ZRANB3: variants seen among roughly 807,000 people sequenced by gnomAD.
ZRANB3 encodes the protein DNA annealing helicase and endonuclease ZRANB3.
In ZRANB3, 125 loss-of-function variants were observed where a neutral mutation model predicts 133.8. That is an observed-to-expected ratio of 0.93 (90% CI 0.81 to 1.08). The LOEUF (loss-of-function observed/expected upper bound fraction) is 1.08. ZRANB3 is among the 50% of genes least tolerant of loss of function. ZRANB3 has a pLI of 0.00. For missense variants in ZRANB3, 1,229 were observed against 1,275.5 expected, an observed-to-expected ratio of 0.96 and a Z score of 0.56; for synonymous variants, 387 against 432.7, an observed-to-expected ratio of 0.89 and a Z score of 1.31.
intron 2 of ZRANB3, among the ~76,000 whole-genome samples, chr2:135,395,972 GA>G (rs1159562532): frequency 6.6e-6 from 1 of 151,980 alleles, no homozygotes; most frequent in African/African-American, 2.4e-5. Context: ...AACTCTTCAG[GA>G]AAAAAATCTA....
intron 12 of ZRANB3, among the ~76,000 whole-genome samples, chr2:135,237,685 G>T (rs1032151426): frequency 6.6e-6 from 1 of 151,498 alleles, no homozygotes; most frequent in East Asian, 1.9e-4. Flanking sequence ...GCAAACTATC[G>T]CAAGGACAAA....
intron 6 of ZRANB3, among the ~76,000 whole-genome samples, chr2:135,324,847 T>C (rs1468064483): frequency 1.3e-5 from 2 of 152,064 alleles, no homozygotes; most frequent in Non-Finnish European, 2.9e-5. Flanking sequence ...GATGAGCATT[T>C]TTTCATGTCT....
intron 2 of ZRANB3, among the ~76,000 whole-genome samples, chr2:135,461,362 G>T (rs1574139414): frequency 6.6e-6 from 1 of 152,270 alleles, no homozygotes; most frequent in South Asian, 2.1e-4. Flanking sequence ...CTGAGGTTGG[G>T]AGTTCAAGAC....
At chr2:135,452,631 T>C (rs1690325741) in intron 2 of ZRANB3, among the ~76,000 whole-genome samples, 1 of 152,162 alleles carries the variant, frequency 6.6e-6, no homozygotes, top group Admixed American at 6.5e-5. Context: ...GTAGGGCCCA[T>C]GCAAGTCTGA....
chr2:135,375,788 G>A (rs1454001536), intron 3 of ZRANB3, among the ~76,000 whole-genome samples: 5 of 151,728 alleles, frequency 3.3e-5, no homozygotes, highest in Non-Finnish European at 1.5e-5. Context: ...CCCGGGAGAC[G>A]GAGGTTGTGG....
intron 12 of ZRANB3, among the ~76,000 whole-genome samples, chr2:135,232,762 A>G (rs1388749534): frequency 6.6e-6 from 1 of 152,254 alleles, no homozygotes; most frequent in African/African-American, 2.4e-5. Flanking sequence ...ACTAACAAAC[A>G]GAAAGGACAT....
chr2:135,382,298 G>A (rs1485464852), intron 3 of ZRANB3, among the ~76,000 whole-genome samples: 2 of 152,078 alleles, frequency 1.3e-5, no homozygotes, highest in Admixed American at 6.6e-5. Flanking sequence ...AGAGAAAAAA[G>A]AATAAAAAGA....
intron 8 of ZRANB3, among the ~76,000 whole-genome samples, chr2:135,302,117 C>T (rs1257711735): frequency 6.6e-6 from 1 of 152,186 alleles, no homozygotes; most frequent in Non-Finnish European, 1.5e-5. Context: ...TAACTAGCTA[C>T]CTCCTGAAAA....
chr2:135,336,395 T>C (rs1041139656), intron 6 of ZRANB3, among the ~76,000 whole-genome samples: 2 of 152,218 alleles, frequency 1.3e-5, no homozygotes, highest in African/African-American at 4.8e-5. Context: ...AAATTTGCAT[T>C]CTGCAAAATT....
At chr2:135,506,155 C>T (rs906199165) in intron 1 of ZRANB3, among the ~76,000 whole-genome samples, 2 of 152,096 alleles carry the variant, frequency 1.3e-5, no homozygotes, top group African/African-American at 4.8e-5. Flanking sequence ...CTTTGGGAGG[C>T]CAAAGTGGGC....
intron 15 of ZRANB3, among the ~76,000 whole-genome samples, chr2:135,220,863 T>A (rs551654142): frequency 8.0e-5 from 12 of 150,500 alleles, no homozygotes; most frequent in East Asian, 2.0e-4. Context: ...AATTTATTTT[T>A]TTTTTTTTTT....
chr2:135,203,424 C>A (rs1324410679), intron 19 of ZRANB3, among the ~76,000 whole-genome samples: 1 of 151,946 alleles, frequency 6.6e-6, no homozygotes, highest in Non-Finnish European at 1.5e-5. Flanking sequence ...TCGAGACAAT[C>A]CTGGCTAACA....
At chr2:135,394,392 A>C (rs758013449) in intron 2 of ZRANB3, among the ~76,000 whole-genome samples, 2 of 152,202 alleles carry the variant, frequency 1.3e-5, no homozygotes, top group Non-Finnish European at 2.9e-5. Flanking sequence ...AATTTAATGG[A>C]CCATATACAC....
At chr2:135,458,839 T>C (rs1333221104) in intron 2 of ZRANB3, among the ~76,000 whole-genome samples, 1 of 152,130 alleles carries the variant, frequency 6.6e-6, no homozygotes, top group Non-Finnish European at 1.5e-5. Flanking sequence ...AAACAGTACC[T>C]TACATACATT....
intron 2 of ZRANB3, among the ~76,000 whole-genome samples, chr2:135,478,458 G>A (rs922151645): frequency 2.0e-5 from 3 of 152,088 alleles, no homozygotes; most frequent in Non-Finnish European, 2.9e-5. Context: ...GCTGGCCACT[G>A]ACTGACACTG....
intron 9 of ZRANB3, among the ~76,000 whole-genome samples, chr2:135,274,691 C>T (rs1680698408): frequency 6.6e-6 from 1 of 151,802 alleles, no homozygotes; most frequent in Non-Finnish European, 1.5e-5. Context: ...TTGGCAGGGT[C>T]ATAGGACAAT....
intron 2 of ZRANB3, among the ~76,000 whole-genome samples, chr2:135,437,185 C>T (rs1689573737): frequency 6.6e-6 from 1 of 152,140 alleles, no homozygotes; most frequent in Non-Finnish European, 1.5e-5. Flanking sequence ...GTCTCGAACT[C>T]CTGAACTCAT....
At chr2:135,229,510 G>T (rs1288606540) in intron 13 of ZRANB3, among the ~76,000 whole-genome samples, 2 of 151,580 alleles carry the variant, frequency 1.3e-5, no homozygotes. Context: ...TGGGACTACA[G>T]GCGCCCGCTA....
intron 2 of ZRANB3, among the ~76,000 whole-genome samples, chr2:135,493,914 C>T (rs1692531459): frequency 6.6e-6 from 1 of 152,102 alleles, no homozygotes. Flanking sequence ...GTGACATATT[C>T]AGAGGTAAAA....
Sources: gnomAD v4.1 joint callset for allele counts (sites outside exome capture counted in the v4.1 genomes callset) on GRCh38, gnomAD v4.1.1 for gene constraint, MANE v1.5 for transcripts, NCBI Gene and HGNC (gene_info 2026-07-23, HGNC 2026-07-21) for gene names.